IPO13: variants seen among roughly 807,000 people sequenced by gnomAD.
IPO13 encodes the protein importin 13.
In IPO13, 28 loss-of-function variants were observed where a neutral mutation model predicts 115.5. The observed-to-expected ratio is 0.24, with a 90% CI of 0.18 to 0.33. IPO13 has a LOEUF of 0.33. Ranked by LOEUF, IPO13 falls within the 10% of genes least tolerant of loss-of-function variation. IPO13 has a pLI of 1.00. For synonymous variants in IPO13, 414 were observed against 478.9 expected (o/e 0.86, Z 1.77); for missense variants, 785 against 1,204.6 (o/e 0.65, Z 5.16).
chr1:43,965,271 T>C (rs556948422), intron 15 of IPO13, among the ~76,000 whole-genome samples: 2 of 152,110 alleles, frequency 1.3e-5, no homozygotes, highest in African/African-American at 2.4e-5. Flanking sequence ...AACCTGTGAA[T>C]TGGGGTAAAT....
Position 43,967,137 on chromosome 1 carries a change from C to T in IPO13, c.2613+118C>T, listed in dbSNP as rs1284645649. The T allele has an allele frequency of 3.5e-6, 4 of 1,137,592 alleles. No individual in the cohort carries two copies. In the African/African-American group the frequency reaches 6.1e-5, roughly 17 times the overall value. 70.5% of individuals were successfully genotyped at this position (1,137,592 alleles called of 1,614,324 possible). A position where few individuals can be genotyped will look rare whatever the true frequency, so the allele number is the denominator to read the frequency against. ...AAGCTCTCAGATTCTGTTTCTTCTT[C>T]AATTAAATGCCTGAAAGTTGTTAGG... On this transcript the variant is annotated intron_variant, in intron 18 of 19. Transcript: ENST00000372343. The surrounding 1 kb of genome is among the most constrained non-coding windows in gnomAD (Gnocchi z 6.1).
chr1:43,964,848 G>T (rs957229315), intron 15 of IPO13, among the ~76,000 whole-genome samples: 27 of 152,190 alleles, frequency 1.8e-4, no homozygotes, highest in Admixed American at 1.2e-3. Context: ...TGGAGTGCAG[G>T]CTCCATGCTA....
rs780162258 is a variant in IPO13, at chr1:43,957,330, T to C, written c.1392+15T>C. On this transcript the variant is annotated intron_variant, in intron 6 of 19. Transcript: ENST00000372343. ...ACTCCTGGCAGGTACCTCCCAAGCC[T>C]GATTCCCTCAGCCTTCCCAGACCTG... 3.7e-6 allele frequency: 6 copies of C among 1,613,396 alleles called. No individual in the cohort carries two copies. Among genetic ancestry groups the C allele is most frequent in the African/African-American group, 2.7e-5 (2 of 74,896 alleles).
At position 43,952,799 on chromosome 1, in the gene IPO13, G is replaced by T. The variant is rs2085218227; in HGVS notation, c.821+2646G>T. Among the ~76,000 whole-genome samples the T allele has an allele frequency of 6.6e-6, 1 of 152,212 alleles. No homozygotes were observed. The highest frequency in any genetic ancestry group is 6.5e-5 in the Admixed American group (1 of 15,290). On this transcript the variant is annotated intron_variant, in intron 2 of 19. Transcript: ENST00000372343. The surrounding 1 kb of genome is among the most constrained non-coding windows in gnomAD (Gnocchi z 4.7). Reference sequence around the variant, plus strand: ...TAAATAAGAGAATGTGAAGCTTTTAGCATGGTTCCTATATACTCTGTAAAC... The same window carrying T: ...TAAATAAGAGAATGTGAAGCTTTTATCATGGTTCCTATATACTCTGTAAAC...
intron 14 of IPO13, among the ~76,000 whole-genome samples, chr1:43,963,845 C>G (rs2085305233): frequency 6.6e-6 from 1 of 152,222 alleles, no homozygotes; most frequent in Admixed American, 6.5e-5. Flanking sequence ...CCCCACCCCC[C>G]CACCGCCATC....
Position 43,958,224 on chromosome 1 carries a change from C to T in IPO13, c.1723-18C>T. On this transcript the variant is annotated intron_variant, in intron 8 of 19. Transcript: ENST00000372343. The surrounding 1 kb of genome is among the most constrained non-coding windows in gnomAD (Gnocchi z 6.3). ...CTCTGCACTGTGCTGATACTACATT[C>T]CTTCTTTCTCCCCTCAGGATGTGCT... is the stretch of plus-strand genomic sequence containing the variant. 6.2e-7 allele frequency: 1 copy of T among 1,614,176 alleles called. No individual in the cohort carries two copies.
In IPO13 at chr1:43,957,414, C is replaced by T; in HGVS notation, c.1405C>T (p.Leu469Phe). 1 of 1,614,196 alleles carries T rather than the reference C, an allele frequency of 6.2e-7. No homozygotes were observed. The highest frequency in any genetic ancestry group is 8.5e-7 in the Non-Finnish European group (1 of 1,180,032). Residue 469 changes from leucine (L) to phenylalanine (F), a missense_variant, in exon 7 of 20, where the codon CTC becomes TTC. Leu to Phe is a conservative substitution (Grantham distance 22). This residue lies in a region of IPO13 where 175 missense variants were observed against 360.0 expected (regional missense o/e 0.49). Coordinates refer to ENST00000372343, the MANE Select transcript of IPO13 (RefSeq NM_014652.4). ...CCTCTTTCCCCAGCACACAGAGGCCCTCCTCTACGGCTTCCAATCCATCGC... is the reference window on the plus strand; with the variant it reads ...CCTCTTTCCCCAGCACACAGAGGCCTTCCTCTACGGCTTCCAATCCATCGC... ...EPYSWQHTEA[L>F]LYGFQSIAET...
intron 11 of IPO13, 140 bp downstream of exon 11, chr1:43,959,029 G>A (rs751166135): frequency 1.5e-5 from 12 of 796,204 alleles, no homozygotes; most frequent in Non-Finnish European, 2.4e-5. Flanking sequence ...TGATATATTT[G>A]GTCCTCTGAC....
intron 15 of IPO13, 30 bp downstream of exon 15, chr1:43,964,351 T>C: frequency 6.6e-7 from 1 of 1,513,960 alleles, no homozygotes; most frequent in Non-Finnish European, 9.1e-7. Context: ...ATTCACGTTC[T>C]GTTCTCTCTC....
Position 43,947,556 on chromosome 1 carries a change from A to G in IPO13, c.-45A>G. 2 of 1,108,322 alleles carry G rather than the reference A, an allele frequency of 1.8e-6. 1 individual carries two copies. Among genetic ancestry groups the G allele is most frequent in the East Asian group, 6.4e-5 (2 of 31,118 alleles). The allele number at this position is 1,108,322 out of a possible 1,614,324, so 68.7% of individuals were successfully genotyped here. A position where few individuals can be genotyped will look rare whatever the true frequency, so the allele number is the denominator to read the frequency against. ...GGGCCAGCAGCCAAGGGGCTGGGGC[A>G]GGAGACAGATCAGGGCCCACCTCCC... On this transcript the variant is annotated 5_prime_UTR_variant, in exon 1 of 20. Coordinates refer to ENST00000372343, the MANE Select transcript of IPO13 (RefSeq NM_014652.4).
In IPO13 at chr1:43,949,659, C is replaced by T. The variant is rs1310856138; in HGVS notation, c.327C>T (p.Ile109=). The part of the protein sequence containing the change: ...ESLKAQLFTQ[I]TRFASGSKIV... Reference sequence around the variant, plus strand: ...TAAAGGCACAGCTCTTCACCCAGATCACCCGCTTTGCCAGTGGCTCCAAGA... The same window carrying T: ...TAAAGGCACAGCTCTTCACCCAGATTACCCGCTTTGCCAGTGGCTCCAAGA... Residue 109 remains isoleucine, a synonymous_variant, in exon 2 of 20, where the codon ATC becomes ATT. Transcript: ENST00000372343. 4 of 1,614,256 alleles carry T rather than the reference C, an allele frequency of 2.5e-6. No individual in the cohort carries two copies. The East Asian group carries it at 6.7e-5, about 27-fold the overall frequency.
chr1:43,963,663 C>T (rs2085304104), intron 14 of IPO13, among the ~76,000 whole-genome samples: 1 of 152,198 alleles, frequency 6.6e-6, no homozygotes. Flanking sequence ...CTGGGCACTG[C>T]CCTACCTAAG....
Position 43,947,511 on chromosome 1 carries a change from C to T in IPO13, c.-90C>T. ...CCTCACCCCACCACTCCCTGGGCAC[C>T]CAAGCCGGGGTCTAGCAGGGGGCCA... On this transcript the variant is annotated 5_prime_UTR_variant, in exon 1 of 20. Coordinates refer to ENST00000372343, the MANE Select transcript of IPO13 (RefSeq NM_014652.4). 5 of 759,576 alleles carry T rather than the reference C, an allele frequency of 6.6e-6. No individual in the cohort carries two copies. The highest frequency in any genetic ancestry group is 9.1e-6 in the Non-Finnish European group (5 of 551,318). 47.1% of individuals were successfully genotyped at this position (759,576 alleles called of 1,614,324 possible).
chr1:43,961,018 G>T lies in IPO13; in HGVS notation c.2247+5G>T. 1 of 1,614,062 alleles carries T rather than the reference G, an allele frequency of 6.2e-7. No individual in the cohort carries two copies. Among genetic ancestry groups the T allele is most frequent in the Non-Finnish European group, 8.5e-7 (1 of 1,179,940 alleles). On this transcript the variant is annotated splice_donor_5th_base_variant and intron_variant, in intron 13 of 19. Transcript: ENST00000372343. ...GCTCTTGACCTCACTCGACAGGTGG[G>T]CCTTCTGGTTGGGGCAGAGATCCTG...
intron 14 of IPO13, among the ~76,000 whole-genome samples, chr1:43,963,962 A>G (rs1338804472): frequency 6.6e-6 from 1 of 152,166 alleles, no homozygotes; most frequent in Non-Finnish European, 1.5e-5. Flanking sequence ...CCGTTTCTTC[A>G]GCTATATGGA....
At position 43,967,271 on chromosome 1, in the gene IPO13, G is replaced by A. The variant is rs199980858; in HGVS notation, c.2614-44G>A. Reference sequence around the variant, plus strand: ...TAGGCATTCTTGCTGCAGAAGCGGCGGAAGGGGCAACACCCTGGTGTGCTG... The same window carrying A: ...TAGGCATTCTTGCTGCAGAAGCGGCAGAAGGGGCAACACCCTGGTGTGCTG... On this transcript the variant is annotated intron_variant, in intron 18 of 19. Coordinates refer to ENST00000372343, the MANE Select transcript of IPO13 (RefSeq NM_014652.4). This position sits in a 1 kb window ranked among gnomAD's most constrained non-coding sequence, Gnocchi z 6.1. 560 of 1,590,080 alleles carry A rather than the reference G, an allele frequency of 3.5e-4. 1 individual carries two copies. The highest frequency in any genetic ancestry group is 1.2e-3 in the African/African-American group (87 of 74,542).
chr1:43,960,437 G>A, intron 12 of IPO13, 108 bp downstream of exon 12: 1 of 1,022,538 alleles, frequency 9.8e-7, no homozygotes, highest in Non-Finnish European at 1.5e-6. Context: ...GAAAACAAGG[G>A]AGGTGAATCC....
At chr1:43,953,418 C>T (rs1185198235) in intron 2 of IPO13, 1 of 152,240 alleles carries the variant, frequency 6.6e-6, no homozygotes, top group Non-Finnish European at 1.5e-5. Flanking sequence ...TTCTTCTGTC[C>T]ACTCACAGGT....
intron 14 of IPO13, among the ~76,000 whole-genome samples, chr1:43,962,540 TAATGTCCTCTCCTGCC>T (rs1317972572): frequency 6.6e-6 from 1 of 152,226 alleles, no homozygotes; most frequent in Non-Finnish European, 1.5e-5. Context: ...GGCATGCCTC[TAATGTCCTCTCCTGCC>T]AATGTCCTCA....
Sources: gnomAD v4.1 joint callset for allele counts (sites outside exome capture counted in the v4.1 genomes callset) on GRCh38, gnomAD v4.1.1 for gene constraint, gnomAD v4.1.1 regional missense constraint, Gnocchi (gnomAD v3.1) non-coding constraint, MANE v1.5 for transcripts, NCBI Gene and HGNC (gene_info 2026-07-23, HGNC 2026-07-21) for gene names.